Variants in TBC1D8 observed in about 807,000 individuals in gnomAD.
The protein encoded by TBC1D8 is BUB2-like protein 1.
A neutral mutation model predicts 118.8 loss-of-function variants in TBC1D8; 65 were observed. The observed-to-expected ratio is 0.55, with a 90% CI of 0.45 to 0.67. The LOEUF (loss-of-function observed/expected upper bound fraction) is 0.67. Among genes scored for constraint, TBC1D8 ranks in the 30% least tolerant of loss-of-function variants. The probability of loss-of-function intolerance (pLI) is 0.00; values close to 1 mark genes in which losing one functional copy is unlikely to be tolerated. For synonymous variants in TBC1D8, 566 were observed against 595.8 expected, an observed-to-expected ratio of 0.95 and a Z score of 0.73; for missense variants, 1,376 against 1,471.2, an observed-to-expected ratio of 0.94 and a Z score of 1.06.
chr2:101,027,241 A>G (rs985367060), intron 15 of TBC1D8, 142 bp downstream of exon 15: 7 of 663,382 alleles, frequency 1.1e-5, no homozygotes, highest in Non-Finnish European at 1.8e-5. Context: ...TAGGCAGGCT[A>G]AGACAGCTTC....
chr2:101,113,777 G>A (rs1016827992), intron 1 of TBC1D8, among the ~76,000 whole-genome samples: 3 of 152,200 alleles, frequency 2.0e-5, no homozygotes, highest in Admixed American at 2.0e-4. Flanking sequence ...AGTGAAGGAA[G>A]ACAACTCCAT....
At position 101,008,032 on chromosome 2, in the gene TBC1D8, T is replaced by C. The variant is rs1430189460; in HGVS notation, c.3257A>G (p.Gln1086Arg). The change falls in exon 20 of 20, where the codon CAG (glutamine) becomes CGG (arginine). Residue 1086 changes from glutamine (Q) to arginine (R), a missense_variant. Physicochemically the swap from Gln to Arg is conservative, Grantham distance 43 (BLOSUM62 1). Transcript: ENST00000409318. ...ADTGKTPQDS[Q>R]AFPEAAERDW... The stretch of plus-strand genomic sequence containing the variant: ...CCTTTCTGCCGCCTCTGGAAATGCC[T>C]GGGAGTCCTGGGGCGTCTTCCCAGT... 6.2e-7 allele frequency: 1 copy of C among 1,613,850 alleles called. No homozygotes were observed. The highest frequency in any genetic ancestry group is 1.3e-5 in the African/African-American group (1 of 74,910).
rs1681839490 is a variant in TBC1D8 at position 101,048,363 on chromosome 2, C to A, written c.872+2038G>T. On this transcript the variant is annotated intron_variant, in intron 5 of 19. Coordinates refer to ENST00000409318, the MANE Select transcript of TBC1D8 (RefSeq NM_001330348.2). Reference sequence around the variant, plus strand: ...CCTAAGATGGAGGCTGAGAGACCATCATGGGGAGCCTGGGGCTGAGAGGTG... The same window carrying A: ...CCTAAGATGGAGGCTGAGAGACCATAATGGGGAGCCTGGGGCTGAGAGGTG... Among the ~76,000 whole-genome samples the A allele has an allele frequency of 2.6e-5, 4 of 152,138 alleles. No homozygotes were observed. The South Asian group carries it at 8.3e-4, about 31-fold the overall frequency.
chr2:101,048,444 G>A (rs971755017), intron 5 of TBC1D8, among the ~76,000 whole-genome samples: 2 of 152,046 alleles, frequency 1.3e-5, no homozygotes, highest in Non-Finnish European at 1.5e-5. Context: ...AGGGGGCAAC[G>A]AGCACCCCCT....
intron 2 of TBC1D8, among the ~76,000 whole-genome samples, chr2:101,072,278 C>T (rs962278640): frequency 6.6e-6 from 1 of 152,146 alleles, no homozygotes; most frequent in African/African-American, 2.4e-5. Context: ...GCACCAGCAT[C>T]TGCTCCTGGT....
intron 1 of TBC1D8, among the ~76,000 whole-genome samples, chr2:101,146,951 G>GA: frequency 6.6e-6 from 1 of 152,276 alleles, no homozygotes; most frequent in East Asian, 1.9e-4. Context: ...GTGGGATCAT[G>GA]CAGTATTTGT....
At chr2:101,115,266 G>A (rs1677770417) in intron 1 of TBC1D8, among the ~76,000 whole-genome samples, 1 of 152,176 alleles carries the variant, frequency 6.6e-6, no homozygotes, top group Admixed American at 6.5e-5. Context: ...GAACAGACGT[G>A]GAGCCAGTAA....
intron 2 of TBC1D8, among the ~76,000 whole-genome samples, chr2:101,071,111 G>A (rs557580744): frequency 7.9e-5 from 12 of 152,136 alleles, no homozygotes; most frequent in Middle Eastern, 3.4e-3. Context: ...AGGCTGAGGC[G>A]GGCGGATCAC....
At chr2:101,091,012 G>A (rs1676000189) in intron 1 of TBC1D8, among the ~76,000 whole-genome samples, 1 of 152,224 alleles carries the variant, frequency 6.6e-6, no homozygotes, top group African/African-American at 2.4e-5. Context: ...GCCAGGAGTG[G>A]TGGCTCATGC....
At chr2:101,076,587 T>G (rs1674838424) in intron 2 of TBC1D8, among the ~76,000 whole-genome samples, 1 of 152,194 alleles carries the variant, frequency 6.6e-6, no homozygotes, top group African/African-American at 2.4e-5. Context: ...GAAAACAGAC[T>G]GTGCAGCCAG....
rs1574029484 is a variant in TBC1D8 at position 101,097,980 on chromosome 2, A to G, written c.128-7616T>C. ...TGTAAACCTTAAGACAACTACTACA[A>G]ATTTTTTTAAGGAAGTATAGTTGAC... On this transcript the variant is annotated intron_variant, in intron 1 of 19. Transcript: ENST00000409318. Among the ~76,000 whole-genome samples the G allele has an allele frequency of 2.0e-5, 3 of 152,242 alleles. No individual in the cohort carries two copies. The South Asian group carries it at 6.2e-4, about 31-fold the overall frequency.
intron 1 of TBC1D8, among the ~76,000 whole-genome samples, chr2:101,091,285 C>CA (rs1315318642): frequency 1.3e-5 from 2 of 151,644 alleles, no homozygotes; most frequent in Admixed American, 6.6e-5. Context: ...AACTCCATCT[C>CA]AAAAAAAGAA....
chr2:101,105,876 C>G (rs894415270), intron 1 of TBC1D8, among the ~76,000 whole-genome samples: 10 of 152,066 alleles, frequency 6.6e-5, no homozygotes, highest in Non-Finnish European at 1.2e-4. Context: ...ATTTACCCAA[C>G]TGACGTAAAA....
intron 1 of TBC1D8, among the ~76,000 whole-genome samples, chr2:101,129,991 T>C (rs1678521258): frequency 6.6e-6 from 1 of 151,978 alleles, no homozygotes; most frequent in South Asian, 2.1e-4. Context: ...CAGTGGACCT[T>C]TTCCTGGGCC....
In TBC1D8 at chr2:101,010,613, G is replaced by A. The variant is rs117828747; in HGVS notation, c.3015+316C>T. Among the ~76,000 whole-genome samples the A allele has an allele frequency of 6.9e-4, 105 of 151,672 alleles. 1 individual carries two copies. The East Asian group carries it at 0.019, about 28-fold the overall frequency. The stretch of plus-strand genomic sequence containing the variant: ...AAACAGTTAATTCTCGGTCGGGCGC[G>A]GTGGCTCAAACCTGTAATCCCAGCA... On this transcript the variant is annotated intron_variant, in intron 19 of 19. Transcript: ENST00000409318.
intron 1 of TBC1D8, among the ~76,000 whole-genome samples, chr2:101,094,891 C>T (rs1676293870): frequency 6.6e-6 from 1 of 152,208 alleles, no homozygotes; most frequent in Non-Finnish European, 1.5e-5. Context: ...GGTTAAACCA[C>T]AACCTCGAAA....
At chr2:101,121,431 C>A (rs1678104461) in intron 1 of TBC1D8, among the ~76,000 whole-genome samples, 1 of 152,226 alleles carries the variant, frequency 6.6e-6, no homozygotes, top group Non-Finnish European at 1.5e-5. Flanking sequence ...GTAGCTGCTA[C>A]AAGGTCACAC....
chr2:101,028,439 A>G lies in TBC1D8; in HGVS notation c.2223-7T>C. On this transcript the variant is annotated splice_polypyrimidine_tract_variant and splice_region_variant and intron_variant, in intron 12 of 19. Coordinates refer to ENST00000409318, the MANE Select transcript of TBC1D8 (RefSeq NM_001330348.2). The stretch of plus-strand genomic sequence containing the variant: ...CTTAATGTGATCTAGAAACCTGAAC[A>G]CACCGCCCCGTCAACGCCCAAGTCC... The G allele has an allele frequency of 1.3e-6, 2 of 1,547,550 alleles. No homozygotes were observed. Among genetic ancestry groups the G allele is most frequent in the Non-Finnish European group, 1.7e-6 (2 of 1,147,934 alleles).
intron 2 of TBC1D8, among the ~76,000 whole-genome samples, chr2:101,072,526 C>T (rs1006700523): frequency 6.6e-6 from 1 of 152,156 alleles, no homozygotes; most frequent in African/African-American, 2.4e-5. Flanking sequence ...GCACCAGAGA[C>T]CAATTTTGTG....
Sources: gnomAD v4.1 joint callset for allele counts (sites outside exome capture counted in the v4.1 genomes callset) on GRCh38, gnomAD v4.1.1 for gene constraint, MANE v1.5 for transcripts, NCBI Gene and HGNC (gene_info 2026-07-23, HGNC 2026-07-21) for gene names.